The following PEPD variants were observed in gnomAD, a reference collection of about 807,000 sequenced individuals.
PEPD encodes xaa-Pro dipeptidase.
In PEPD, 53 loss-of-function variants were observed where a neutral mutation model predicts 60.7. That is an observed-to-expected ratio of 0.87 (90% CI 0.70 to 1.10). The LOEUF (loss-of-function observed/expected upper bound fraction) is 1.10, where lower values mean the gene tolerates loss of function less well. Among genes scored for constraint, PEPD ranks in the 50% least tolerant of loss-of-function variants. PEPD has a pLI of 0.00. For missense variants in PEPD, 711 were observed against 711.9 expected, an observed-to-expected ratio of 1.00 and a Z score of 0.01; for synonymous variants, 267 against 284.1, an observed-to-expected ratio of 0.94 and a Z score of 0.60.
intron 11 of PEPD, among the ~76,000 whole-genome samples, chr19:33,407,474 C>T (rs1178166679): frequency 1.8e-4 from 27 of 152,320 alleles, no homozygotes; most frequent in Non-Finnish European, 1.0e-4. Context: ...GAGTCCTGGC[C>T]ACCTCTGTGC....
At chr19:33,512,539 G>T in intron 2 of PEPD, 54 bp downstream of exon 2, 1 of 1,559,364 alleles carries the variant, frequency 6.4e-7, no homozygotes, top group Non-Finnish European at 8.8e-7. Context: ...CTCCTGCTCA[G>T]GACAGCAGCA....
At chr19:33,490,079 A>G (rs776384537) in intron 5 of PEPD, 22 bp from the exon 6 acceptor site, 2 of 1,595,938 alleles carry the variant, frequency 1.3e-6, no homozygotes, top group South Asian at 1.1e-5. Flanking sequence ...GAACACAGAC[A>G]TGACACACGG....
intron 8 of PEPD, 58 bp downstream of exon 8, chr19:33,463,929 C>T (rs1187067656): frequency 8.5e-7 from 1 of 1,172,832 alleles, no homozygotes; most frequent in Non-Finnish European, 1.3e-6. Context: ...TCACGCAGTT[C>T]TCTCGCCACA....
At chr19:33,487,903 CT>C (rs1173159728) in intron 6 of PEPD, among the ~76,000 whole-genome samples, 1 of 152,000 alleles carries the variant, frequency 6.6e-6, no homozygotes, top group African/African-American at 2.4e-5. Context: ...AGAACGAGAC[CT>C]TTGCTTCCTG....
chr19:33,387,714 G>C, intron 14 of PEPD, 176 bp downstream of exon 14: 2 of 762,010 alleles, frequency 2.6e-6, no homozygotes, highest in African/African-American at 1.7e-5. Context: ...CAGGATCTCT[G>C]TCTGTTCCTA....
At chr19:33,432,325 G>A (rs1969291711) in intron 9 of PEPD, among the ~76,000 whole-genome samples, 1 of 152,206 alleles carries the variant, frequency 6.6e-6, no homozygotes, top group African/African-American at 2.4e-5. Context: ...TATCCCTTTT[G>A]CACAGGGAGC....
chr19:33,387,302 G>C lies in PEPD; in HGVS notation c.*42C>G. Reference sequence around the variant, plus strand: ...AGGCTGCCCATCACGAAAAGAGGTTGCAAGGCCAGGCCCCCAGGTGCGCTG... The same window carrying C: ...AGGCTGCCCATCACGAAAAGAGGTTCCAAGGCCAGGCCCCCAGGTGCGCTG... On this transcript the variant is annotated 3_prime_UTR_variant, in exon 15 of 15. Transcript: ENST00000244137. 1 of 1,611,076 alleles carries C rather than the reference G, an allele frequency of 6.2e-7. No individual in the cohort carries two copies. Among genetic ancestry groups the C allele is most frequent in the Non-Finnish European group, 8.5e-7 (1 of 1,178,688 alleles).
intron 3 of PEPD, among the ~76,000 whole-genome samples, chr19:33,502,193 C>T (rs1158480237): frequency 2.0e-5 from 3 of 152,198 alleles, no homozygotes; most frequent in Admixed American, 6.5e-5. Context: ...CGCACACATA[C>T]TCGGTCCTAT....
chr19:33,408,037 C>G (rs567969503), intron 11 of PEPD, among the ~76,000 whole-genome samples: 1 of 152,214 alleles, frequency 6.6e-6, no homozygotes, highest in African/African-American at 2.4e-5. Context: ...GGTTCATAGG[C>G]CCTCTTGGAC....
rs529823817 is a variant in PEPD at position 33,387,356 on chromosome 19, A to G, written c.1470T>C (p.Ser490=). The part of the protein sequence containing the change: ...AGCDKAFTPF[S]GPK ...TTTCTGGCTGGCTCTACTTGGGGCC[A>G]GAGAAGGGGGTAAAGGCCTTGTCAC... Residue 490 remains serine (S), a synonymous_variant, in exon 15 of 15, where the codon TCT becomes TCC. Coordinates refer to ENST00000244137, the MANE Select transcript of PEPD (RefSeq NM_000285.4). 291 of 1,614,004 alleles carry G rather than the reference A, an allele frequency of 1.8e-4. 2 individuals are homozygous for G. In the South Asian group the frequency reaches 2.9e-3, roughly 16 times the overall value.
intron 11 of PEPD, among the ~76,000 whole-genome samples, chr19:33,406,637 C>CA (rs1968631066): frequency 6.6e-6 from 1 of 152,104 alleles, no homozygotes. Context: ...CATTGGGCCC[C>CA]AGGTGGAGTG....
chr19:33,508,389 A>T (rs1283413635), intron 3 of PEPD, among the ~76,000 whole-genome samples: 2 of 152,208 alleles, frequency 1.3e-5, no homozygotes, highest in Admixed American at 1.3e-4. Context: ...TGCAGAAAGC[A>T]GACCTAAACT....
intron 10 of PEPD, among the ~76,000 whole-genome samples, chr19:33,413,118 G>A (rs1471324742): frequency 2.0e-5 from 3 of 152,154 alleles, no homozygotes; most frequent in African/African-American, 4.8e-5. Context: ...CAGCAGCACT[G>A]GTCCCCACGC....
At chr19:33,448,994 G>T (rs1600124337) in intron 9 of PEPD, among the ~76,000 whole-genome samples, 1 of 152,184 alleles carries the variant, frequency 6.6e-6, no homozygotes, top group Non-Finnish European at 1.5e-5. Context: ...AGAATGAGAG[G>T]TGGGGACCCA....
chr19:33,395,822 A>G (rs1428221141), intron 12 of PEPD, among the ~76,000 whole-genome samples: 2 of 152,204 alleles, frequency 1.3e-5, no homozygotes, highest in East Asian at 1.9e-4. Context: ...GCCAGGCTCT[A>G]GGGGTGTAGG....
chr19:33,401,958 G>A, intron 11 of PEPD, 89 bp from the exon 12 acceptor site: 1 of 1,335,876 alleles, frequency 7.5e-7, no homozygotes, highest in Non-Finnish European at 1.1e-6. Flanking sequence ...GGACTCGAGG[G>A]CAGCTGGCCC....
chr19:33,448,930 G>C (rs899932050), intron 9 of PEPD, among the ~76,000 whole-genome samples: 7 of 152,232 alleles, frequency 4.6e-5, no homozygotes, highest in African/African-American at 1.4e-4. Context: ...ATGTGGCCCA[G>C]AGGCCACCAG....
rs550472850 is a variant in PEPD, at chr19:33,500,956, G to A, written c.375C>T (p.Asp125=). The A allele has an allele frequency of 5.6e-6, 9 of 1,602,842 alleles. No individual in the cohort carries two copies. The highest frequency in any genetic ancestry group is 4.0e-5 in the African/African-American group (3 of 74,832). The change falls in exon 4 of 15, where the codon GAC becomes GAT. Residue 125 remains aspartate, a synonymous_variant. Transcript: ENST00000244137. The part of the protein sequence containing the change: ...EHFKEKYAVD[D]VQYVDEIASV... ...TACCCACCTCATCTACGTACTGGAC[G>A]TCGTCCACGGCATACTTCTCCTTGA...
At chr19:33,474,483 C>T (rs1970180798) in intron 7 of PEPD, among the ~76,000 whole-genome samples, 1 of 152,196 alleles carries the variant, frequency 6.6e-6, no homozygotes, top group South Asian at 2.1e-4. Flanking sequence ...TCAAGATGTG[C>T]CAGGCTGCAG....
Sources: allele counts gnomAD v4.1 joint callset (sites outside exome capture counted in the v4.1 genomes callset), GRCh38; gene constraint gnomAD v4.1.1; transcripts MANE v1.5; gene names NCBI Gene and HGNC (gene_info 2026-07-23, HGNC 2026-07-21).